SH3BP2: variants seen among roughly 807,000 people sequenced by gnomAD.
SH3BP2 encodes SH3 domain-binding protein 2.
A neutral mutation model predicts 56.2 loss-of-function variants in SH3BP2; 38 were observed. The ratio of observed to expected loss-of-function variants is 0.68; its 90% CI spans 0.52 to 0.89. SH3BP2 has a LOEUF of 0.89. SH3BP2 is among the 40% of genes least tolerant of loss of function. The pLI is 0.00. For missense variants in SH3BP2, 748 were observed against 762.6 expected, an observed-to-expected ratio of 0.98 and a Z score of 0.23; for synonymous variants, 346 against 316.7, an observed-to-expected ratio of 1.09 and a Z score of -0.98.
intron 1 of SH3BP2, among the ~76,000 whole-genome samples, chr4:2,820,012 C>T (rs765265882): frequency 6.6e-5 from 10 of 152,110 alleles, no homozygotes; most frequent in Non-Finnish European, 8.8e-5. Context: ...TGGATAGCAG[C>T]CAACCCACCA....
rs540448292 is a variant in SH3BP2, at chr4:2,823,826, G to A, written c.240-787G>A. On this transcript the variant is annotated intron_variant, in intron 3 of 12. Transcript: ENST00000503393. ...GACCTTTGGAGTGACTCTAGGCCCCGGCCTGCACCCTGGCCACAGGCCTGG... is the reference window on the plus strand; with the variant it reads ...GACCTTTGGAGTGACTCTAGGCCCCAGCCTGCACCCTGGCCACAGGCCTGG... Among the ~76,000 whole-genome samples the A allele has an allele frequency of 7.9e-5, 12 of 152,360 alleles. No homozygotes were observed. The South Asian group carries it at 1.7e-3, about 21-fold the overall frequency.
At chr4:2,822,259 G>A (rs1046642530) in intron 2 of SH3BP2, among the ~76,000 whole-genome samples, 1 of 152,080 alleles carries the variant, frequency 6.6e-6, no homozygotes, top group Non-Finnish European at 1.5e-5. Context: ...GGGCTCAAAT[G>A]ATCCTCCCAC....
At chr4:2,821,444 CCTGGGACAGGG>C (rs1386505392) in intron 2 of SH3BP2, among the ~76,000 whole-genome samples, 2 of 152,208 alleles carry the variant, frequency 1.3e-5, no homozygotes, top group African/African-American at 4.8e-5. Flanking sequence ...TGTCCCCCAG[CCTGGGACAGGG>C]CTGGGGCAGT....
chr4:2,817,757 G>C (rs1467004195), intron 1 of SH3BP2: 1 of 152,304 alleles, frequency 6.6e-6, no homozygotes, highest in Non-Finnish European at 1.5e-5. Flanking sequence ...CCGCAGGAAA[G>C]TGGAGAAGGT....
rs1725135863 is a variant in SH3BP2, at chr4:2,833,830, G to C, written c.1682G>C (p.Arg561Thr). 6 of 1,568,546 alleles carry C rather than the reference G, an allele frequency of 3.8e-6. No homozygotes were observed. Among genetic ancestry groups the C allele is most frequent in the Admixed American group, 3.7e-5 (2 of 54,172 alleles). Reference sequence around the variant, plus strand: ...CACCCCTACGGCTACACTGGGCCTAGGTGATGGCAGTCCATGTGGCTGCCA... The same window carrying C: ...CACCCCTACGGCTACACTGGGCCTACGTGATGGCAGTCCATGTGGCTGCCA... ...LRHPYGYTGPR is the reference protein window; with the variant it reads ...LRHPYGYTGPT Residue 561 changes from arginine (R) to threonine (T), a missense_variant, in exon 13 of 13, where the codon AGG becomes ACG. Arg to Thr is a moderately conservative substitution (Grantham distance 71). This residue lies in a region of SH3BP2 where 635 missense variants were observed against 615.0 expected (regional missense o/e 1.03). Transcript: ENST00000503393.
chr4:2,802,470 GTA>G (rs1315539393), intron 1 of SH3BP2, among the ~76,000 whole-genome samples: 1 of 148,212 alleles, frequency 6.7e-6, no homozygotes, highest in African/African-American at 2.5e-5. Context: ...GTATATATGT[GTA>G]TGTGTATATA....
Position 2,827,278 on chromosome 4 carries a change from T to C in SH3BP2, c.477T>C (p.Pro159=), listed in dbSNP as rs1189514551. Residue 159 remains proline, a synonymous_variant, in exon 6 of 13, where the codon CCT becomes CCC. Transcript: ENST00000503393. ...TDSFYGAVER[P]VDISLSPYPT... is the part of the protein sequence containing the mutation. ...GCTTCTACGGCGCAGTTGAGCGGCC[T>C]GTGGATATCAGCCTTTCCCCGTACC... is the stretch of plus-strand genomic sequence containing the variant. The C allele has an allele frequency of 6.2e-7, 1 of 1,614,108 alleles. No individual in the cohort carries two copies. The highest frequency in any genetic ancestry group is 1.7e-5 in the Admixed American group (1 of 60,004).
intron 5 of SH3BP2, chr4:2,826,761 GT>G: frequency 2.7e-6 from 1 of 370,046 alleles, no homozygotes; most frequent in South Asian, 2.0e-5. Context: ...TTGTGTTTGT[GT>G]GTGCGTGTCC....
intron 1 of SH3BP2, chr4:2,793,595 G>C (rs1722967928): frequency 6.6e-6 from 1 of 151,826 alleles, no homozygotes; most frequent in Non-Finnish European, 1.5e-5. Context: ...GCGCCCCTCT[G>C]GCCCCGCGGC....
intron 5 of SH3BP2, 155 bp downstream of exon 5, chr4:2,825,351 C>A: frequency 2.9e-6 from 2 of 699,886 alleles, no homozygotes; most frequent in Middle Eastern, 3.6e-4. Flanking sequence ...CTGCTCCTGT[C>A]TACAGATAAA....
chr4:2,827,535 A>G, intron 6 of SH3BP2, 71 bp from the exon 7 acceptor site: 1 of 1,487,230 alleles, frequency 6.7e-7, no homozygotes, highest in Non-Finnish European at 9.2e-7. Context: ...ACTCAGCCCC[A>G]TGCATGGAGC....
At chr4:2,795,444 A>C (rs1723028219) in intron 1 of SH3BP2, among the ~76,000 whole-genome samples, 1 of 152,180 alleles carries the variant, frequency 6.6e-6, no homozygotes, top group African/African-American at 2.4e-5. Context: ...CCACCTCCCA[A>C]AGTGCTGGGA....
chr4:2,801,827 G>A (rs1294826184), intron 1 of SH3BP2, among the ~76,000 whole-genome samples: 1 of 152,390 alleles, frequency 6.6e-6, no homozygotes, highest in South Asian at 2.1e-4. Context: ...AAAAATATTA[G>A]CCAGGCGTGG....
chr4:2,819,376 A>G (rs1423110701), intron 1 of SH3BP2, among the ~76,000 whole-genome samples: 1 of 151,272 alleles, frequency 6.6e-6, no homozygotes, highest in Non-Finnish European at 1.5e-5. Context: ...GCACCCCACC[A>G]TGCCTGACTA....
chr4:2,829,808 C>T lies in SH3BP2; in HGVS notation c.902C>T (p.Ala301Val), dbSNP rs903802049. The change falls in exon 8 of 13, where the codon GCC becomes GTC. Residue 301 changes from alanine to valine, a missense_variant. Coordinates refer to ENST00000503393, the MANE Select transcript of SH3BP2 (RefSeq NM_001122681.2). This position sits in a 1 kb window ranked among gnomAD's most constrained non-coding sequence, Gnocchi z 4.9. ...AAACCCCCTTGCTTCCGGGAGAGTG[C>T]CAGCCCCAGCCCGGAGCCCTGGACC... ...LRKPPCFRESASPSPEPWTPG... is the reference protein window; with the variant it reads ...LRKPPCFRESVSPSPEPWTPG... The T allele has an allele frequency of 1.2e-6, 2 of 1,613,198 alleles. No homozygotes were observed. Among genetic ancestry groups the T allele is most frequent in the African/African-American group, 2.7e-5 (2 of 74,908 alleles).
chr4:2,804,262 A>C (rs545223687), intron 1 of SH3BP2, among the ~76,000 whole-genome samples: 1 of 152,282 alleles, frequency 6.6e-6, no homozygotes, highest in East Asian at 1.9e-4. Context: ...GTGCAGCCTC[A>C]GCACTAAGTC....
intron 7 of SH3BP2, among the ~76,000 whole-genome samples, chr4:2,828,999 C>T (rs1344692001): frequency 6.6e-6 from 1 of 152,192 alleles, no homozygotes; most frequent in African/African-American, 2.4e-5. Flanking sequence ...CGCTCCGAGT[C>T]ATGTCCAGCC....
Position 2,812,140 on chromosome 4 carries a change from C to T in SH3BP2, c.-4-8474C>T, listed in dbSNP as rs373508211. 82 of 1,400,906 alleles carry T rather than the reference C, an allele frequency of 5.9e-5. No individual in the cohort carries two copies. The African/African-American group carries it at 7.4e-4, about 13-fold the overall frequency. The allele number at this position is 1,400,906 out of a possible 1,614,324, so 86.8% of individuals were successfully genotyped here. A position where few individuals can be genotyped will look rare whatever the true frequency, so the allele number is the denominator to read the frequency against. On this transcript the variant is annotated intron_variant, in intron 1 of 12. Transcript: ENST00000503393. ...GCAGTGGAAGGTAGGAGTTAAAACC[C>T]GGATGGTGGATGAGGGGCAGCCCTG...
intron 1 of SH3BP2, among the ~76,000 whole-genome samples, chr4:2,805,815 C>T (rs916323899): frequency 1.4e-4 from 22 of 151,958 alleles, no homozygotes; most frequent in East Asian, 5.8e-4. Context: ...GGGGCAAGGG[C>T]GGGGCAGAGG....
Sources: gnomAD v4.1 joint callset for allele counts (sites outside exome capture counted in the v4.1 genomes callset) on GRCh38, gnomAD v4.1.1 for gene constraint, gnomAD v4.1.1 regional missense constraint, Gnocchi (gnomAD v3.1) non-coding constraint, MANE v1.5 for transcripts, NCBI Gene and HGNC (gene_info 2026-07-23, HGNC 2026-07-21) for gene names.